Variants in CFAP61 observed in about 807,000 individuals in gnomAD.
CFAP61 encodes the protein cilia- and flagella-associated protein 61.
CFAP61 carries 107 observed loss-of-function variants against 135.6 expected under a neutral mutation model. The observed-to-expected ratio is 0.79, with a 90% CI of 0.67 to 0.93. CFAP61 has a LOEUF of 0.93. CFAP61 is among the 40% of genes least tolerant of loss of function. CFAP61 has a pLI of 0.00. For missense variants in CFAP61, 1,507 were observed against 1,556.2 expected, an observed-to-expected ratio of 0.97 and a Z score of 0.53; for synonymous variants, 575 against 578.5, an observed-to-expected ratio of 0.99 and a Z score of 0.09.
intron 25 of CFAP61, among the ~76,000 whole-genome samples, chr20:20,329,371 T>C (rs1338176269): frequency 6.6e-6 from 1 of 152,152 alleles, no homozygotes; most frequent in Non-Finnish European, 1.5e-5. Context: ...CACCTCTCTG[T>C]CCTGTGCTCC....
At chr20:20,078,265 C>G (rs1396574492) in intron 6 of CFAP61, among the ~76,000 whole-genome samples, 1 of 152,122 alleles carries the variant, frequency 6.6e-6, no homozygotes, top group East Asian at 1.9e-4. Flanking sequence ...GTTAGAATAC[C>G]CTTGGCTGAG....
At chr20:20,255,123 T>C (rs1425200121) in intron 20 of CFAP61, among the ~76,000 whole-genome samples, 1 of 152,238 alleles carries the variant, frequency 6.6e-6, no homozygotes, top group Non-Finnish European at 1.5e-5. Flanking sequence ...TTTTCGAAGA[T>C]GAAGATTTAG....
chr20:20,053,182 T>A (rs924505083), intron 1 of CFAP61, among the ~76,000 whole-genome samples: 2 of 152,338 alleles, frequency 1.3e-5, no homozygotes, highest in South Asian at 4.1e-4. Context: ...AGATGTTAGC[T>A]GTTATAATAC....
intron 6 of CFAP61, among the ~76,000 whole-genome samples, chr20:20,088,437 T>C (rs1011572467): frequency 1.3e-5 from 2 of 152,162 alleles, no homozygotes; most frequent in African/African-American, 2.4e-5. Flanking sequence ...CACATCTTTC[T>C]TCACAAGGCA....
At chr20:20,297,836 T>C (rs2055757431) in intron 24 of CFAP61, among the ~76,000 whole-genome samples, 1 of 152,238 alleles carries the variant, frequency 6.6e-6, no homozygotes. Flanking sequence ...AGCAAAGAAA[T>C]TTAACAGTGT....
At chr20:20,083,324 G>T (rs1033550812) in intron 6 of CFAP61, among the ~76,000 whole-genome samples, 1 of 151,754 alleles carries the variant, frequency 6.6e-6, no homozygotes, top group Non-Finnish European at 1.5e-5. Flanking sequence ...TGACATAGTG[G>T]ACCGTGGGGG....
At chr20:20,154,261 G>A (rs1308501776) in intron 9 of CFAP61, among the ~76,000 whole-genome samples, 3 of 151,928 alleles carry the variant, frequency 2.0e-5, no homozygotes, top group Non-Finnish European at 4.4e-5. Context: ...ACTGAACAAG[G>A]AAAAGTTGAA....
At position 20,307,730 on chromosome 20, in the gene CFAP61, A is replaced by G. The variant is rs1428172392; in HGVS notation, c.3422+9344A>G. 3.3e-5 allele frequency among the ~76,000 whole-genome samples: 5 copies of G among 152,192 alleles called. No homozygotes were observed. The East Asian group carries it at 9.6e-4, about 29-fold the overall frequency. On this transcript the variant is annotated intron_variant, in intron 25 of 26. Transcript: ENST00000245957. ...TTCAGAGTCATGCTCTAAGAAAAAAATTTATTTAGAGAGAGGTCATTATCA... is the reference window on the plus strand; with the variant it reads ...TTCAGAGTCATGCTCTAAGAAAAAAGTTTATTTAGAGAGAGGTCATTATCA...
chr20:20,112,145 A>G (rs964555308), intron 8 of CFAP61, among the ~76,000 whole-genome samples: 3 of 152,198 alleles, frequency 2.0e-5, no homozygotes, highest in Non-Finnish European at 4.4e-5. Context: ...AGAGTTCACT[A>G]TAAAAATAGC....
In CFAP61 at chr20:20,117,766, T is replaced by C. The variant is rs368939293; in HGVS notation, c.859+18952T>C. Among the ~76,000 whole-genome samples the C allele has an allele frequency of 2.6e-5, 4 of 152,310 alleles. 1 individual carries two copies. The highest frequency in any genetic ancestry group is 7.2e-5 in the African/African-American group (3 of 41,588). ...TGTATGTGTCCTCTTCAATTTTTTT[T>C]ATCAGTGTGTTTTAGTTTTCCTAAT... is the stretch of plus-strand genomic sequence containing the variant. On this transcript the variant is annotated intron_variant, in intron 8 of 26. Transcript: ENST00000245957.
intron 17 of CFAP61, among the ~76,000 whole-genome samples, chr20:20,219,936 C>A (rs2048286780): frequency 6.6e-6 from 1 of 152,170 alleles, no homozygotes; most frequent in Non-Finnish European, 1.5e-5. Flanking sequence ...ATTCCCCACC[C>A]CTGACAAAAC....
At chr20:20,121,589 G>A (rs1032891779) in intron 8 of CFAP61, among the ~76,000 whole-genome samples, 1 of 152,150 alleles carries the variant, frequency 6.6e-6, no homozygotes, top group Non-Finnish European at 1.5e-5. Context: ...CTACCTGCCA[G>A]GTTCAAGTGA....
chr20:20,194,497 A>G (rs2056148287), intron 15 of CFAP61, among the ~76,000 whole-genome samples: 1 of 152,132 alleles, frequency 6.6e-6, no homozygotes, highest in Admixed American at 6.5e-5. Context: ...TATTTCCTTA[A>G]TAATTTGTCT....
chr20:20,306,345 T>C (rs2056476208), intron 25 of CFAP61, among the ~76,000 whole-genome samples: 1 of 152,198 alleles, frequency 6.6e-6, no homozygotes. Context: ...CATGAAAATA[T>C]CACTTGGCAT....
intron 25 of CFAP61, among the ~76,000 whole-genome samples, chr20:20,340,409 T>A (rs1041686218): frequency 4.0e-5 from 6 of 151,888 alleles, no homozygotes; most frequent in African/African-American, 9.7e-5. Context: ...TTTAGGGCAG[T>A]GACGCTCTTC....
chr20:20,101,035 C>A (rs890004664), intron 8 of CFAP61, among the ~76,000 whole-genome samples: 1 of 152,200 alleles, frequency 6.6e-6, no homozygotes, highest in African/African-American at 2.4e-5. Flanking sequence ...CACCAGGGAG[C>A]TGGCATTGTA....
intron 25 of CFAP61, among the ~76,000 whole-genome samples, chr20:20,301,487 C>A (rs1397548283): frequency 6.6e-6 from 1 of 152,196 alleles, no homozygotes; most frequent in East Asian, 1.9e-4. Context: ...TAAATTTCCC[C>A]CAGCAGTGAA....
At chr20:20,090,483 A>C (rs963940679) in intron 6 of CFAP61, among the ~76,000 whole-genome samples, 5 of 152,064 alleles carry the variant, frequency 3.3e-5, no homozygotes, top group African/African-American at 1.2e-4. Context: ...TGAGGTCAAG[A>C]GATAGAAACC....
intron 25 of CFAP61, among the ~76,000 whole-genome samples, chr20:20,304,183 C>T (rs1481935641): frequency 6.6e-6 from 1 of 151,898 alleles, no homozygotes; most frequent in Non-Finnish European, 1.5e-5. Context: ...TTGGATTCCA[C>T]CTATATTTTA....
Sources: allele counts gnomAD v4.1 joint callset (sites outside exome capture counted in the v4.1 genomes callset), GRCh38; gene constraint gnomAD v4.1.1; transcripts MANE v1.5; gene names NCBI Gene and HGNC (gene_info 2026-07-23, HGNC 2026-07-21).